Variants in ARMC3 observed in about 807,000 individuals in gnomAD.
ARMC3 encodes the protein armadillo repeat containing 3.
Under a neutral mutation model 90.3 loss-of-function variants are expected in ARMC3, and 74 were observed. The ratio of observed to expected loss-of-function variants is 0.82; its 90% confidence interval spans 0.68 to 0.99. The LOEUF is 0.99. Ranked by LOEUF, ARMC3 falls within the 50% of genes least tolerant of loss-of-function variation. The pLI is 0.00. For synonymous variants in ARMC3, 334 were observed against 361.8 expected (o/e 0.92, Z 0.87); for missense variants, 958 against 1,042.8 (o/e 0.92, Z 1.12).
intron 6 of ARMC3, 149 bp from the exon 7 acceptor site, chr10:22,961,735 T>A (rs548339594): frequency 1.6e-6 from 1 of 630,168 alleles, no homozygotes; most frequent in Non-Finnish European, 2.6e-6. Context: ...TTGAAAGATT[T>A]CTTATTTTTT....
chr10:22,997,741 T>G (rs1185279769), intron 10 of ARMC3, among the ~76,000 whole-genome samples: 2 of 152,188 alleles, frequency 1.3e-5, no homozygotes, highest in African/African-American at 2.4e-5. Context: ...TCAAGAAAAC[T>G]TTCTAAGAAT....
At chr10:23,006,381 T>C in intron 13 of ARMC3, among the ~76,000 whole-genome samples, 1 of 152,206 alleles carries the variant, frequency 6.6e-6, no homozygotes, top group East Asian at 1.9e-4. Context: ...GACCATGAAA[T>C]GTATCTTGGA....
chr10:23,014,218 G>C (rs372695223), intron 16 of ARMC3: 413 of 1,533,518 alleles, frequency 2.7e-4, no homozygotes, highest in Non-Finnish European at 1.1e-4. Context: ...CTTCTGAATT[G>C]TAAATGAAAA....
intron 10 of ARMC3, among the ~76,000 whole-genome samples, chr10:22,989,162 C>T (rs1836593095): frequency 6.6e-6 from 1 of 152,156 alleles, no homozygotes; most frequent in Admixed American, 6.5e-5. Flanking sequence ...ATTTGGAACA[C>T]TCTCCAGTGT....
chr10:23,009,332 C>T (rs1190269475), intron 16 of ARMC3, among the ~76,000 whole-genome samples: 15 of 152,340 alleles, frequency 9.8e-5, no homozygotes, highest in South Asian at 6.2e-4. Flanking sequence ...TGTGGTCCCA[C>T]GCTCTCTCCT....
At chr10:23,008,717 A>G in intron 15 of ARMC3, 98 bp from the exon 16 acceptor site, 2 of 969,970 alleles carry the variant, frequency 2.1e-6, no homozygotes, top group South Asian at 3.2e-5. Flanking sequence ...AAATTGTATA[A>G]TGAAGTAAAA....
At chr10:23,015,506 T>G (rs1441831766) in intron 16 of ARMC3, among the ~76,000 whole-genome samples, 1 of 152,234 alleles carries the variant, frequency 6.6e-6, no homozygotes, top group Non-Finnish European at 1.5e-5. Flanking sequence ...TTCAGACCAG[T>G]TTTCATGAAC....
chr10:22,956,176 A>G (rs183590530), intron 4 of ARMC3, among the ~76,000 whole-genome samples: 3 of 152,334 alleles, frequency 2.0e-5, no homozygotes, highest in Admixed American at 1.3e-4. Flanking sequence ...ATGTAGTCCT[A>G]CAAGCTGAGA....
At chr10:22,961,132 GA>G (rs1232842231) in intron 6 of ARMC3, 1 of 152,212 alleles carries the variant, frequency 6.6e-6, no homozygotes, top group Non-Finnish European at 1.5e-5. Context: ...GTGTCTAAAG[GA>G]AGCTGAATAT....
intron 10 of ARMC3, among the ~76,000 whole-genome samples, chr10:22,984,754 T>C (rs1836340411): frequency 6.6e-6 from 1 of 152,218 alleles, no homozygotes; most frequent in African/African-American, 2.4e-5. Flanking sequence ...TATTCATGAA[T>C]GAGGTTTCTT....
intron 16 of ARMC3, among the ~76,000 whole-genome samples, chr10:23,010,160 C>CCCCGTCTCTT (rs1315034650): frequency 7.2e-4 from 101 of 140,910 alleles, no homozygotes; most frequent in African/African-American, 2.4e-3. Flanking sequence ...TTCCCTCCCT[C>CCCCGTCTCTT]CCCTTCTCTT....
chr10:22,987,103 T>C (rs1435474170), intron 10 of ARMC3, among the ~76,000 whole-genome samples: 1 of 152,240 alleles, frequency 6.6e-6, no homozygotes, highest in Non-Finnish European at 1.5e-5. Context: ...CTTGGTATAC[T>C]GCTAATCTCT....
At chr10:23,012,199 A>C (rs966442841) in intron 16 of ARMC3, among the ~76,000 whole-genome samples, 2 of 152,156 alleles carry the variant, frequency 1.3e-5, no homozygotes, top group African/African-American at 4.8e-5. Context: ...TGTGAATATC[A>C]AGCTGCTGAT....
intron 16 of ARMC3, among the ~76,000 whole-genome samples, chr10:23,028,513 T>C (rs892250976): frequency 6.6e-6 from 1 of 152,178 alleles, no homozygotes; most frequent in Non-Finnish European, 1.5e-5. Context: ...TAATGAGTAA[T>C]TTTAGATTAT....
intron 16 of ARMC3, among the ~76,000 whole-genome samples, chr10:23,024,553 A>G (rs1838639794): frequency 6.6e-6 from 1 of 152,214 alleles, no homozygotes; most frequent in South Asian, 2.1e-4. Context: ...TAAAGGAAGT[A>G]AAGACACCTG....
At chr10:23,001,429 G>A (rs1224803811) in intron 11 of ARMC3, among the ~76,000 whole-genome samples, 1 of 151,980 alleles carries the variant, frequency 6.6e-6, no homozygotes, top group East Asian at 1.9e-4. Context: ...AGCACCTTCT[G>A]TCCCCCTCTT....
At position 22,955,818 on chromosome 10, in the gene ARMC3, A is replaced by G. The variant is rs1043241137; in HGVS notation, c.178A>G (p.Lys60Glu). The stretch of plus-strand genomic sequence containing the variant: ...ACGTGTGATGTCAGGTGAGGAAAAT[A>G]AAACAACCCTCCTTGAACTTGGAGC... ...YKFALKGEEN[K>E]TTLLELGAVE... is the part of the protein sequence containing the mutation. Residue 60 changes from lysine (K) to glutamate (E), a missense_variant, in exon 4 of 19, where the codon AAA becomes GAA. Lys to Glu is a moderately conservative substitution (Grantham distance 56). Coordinates refer to ENST00000298032, the MANE Select transcript of ARMC3 (RefSeq NM_173081.5). 1 of 1,613,910 alleles carries G rather than the reference A, an allele frequency of 6.2e-7. No homozygotes were observed. The highest frequency in any genetic ancestry group is 1.3e-5 in the African/African-American group (1 of 75,046).
chr10:23,038,205 A>C lies in ARMC3; in HGVS notation c.*726A>C, dbSNP rs1018283261. The C allele has an allele frequency of 6.6e-6, 1 of 152,180 alleles. No individual in the cohort carries two copies. The highest frequency in any genetic ancestry group is 1.5e-5 in the Non-Finnish European group (1 of 68,034). The allele number at this position is 152,180 out of a possible 1,614,324, so 9.4% of individuals were successfully genotyped here. On this transcript the variant is annotated 3_prime_UTR_variant, in exon 19 of 19. Transcript: ENST00000298032. ...TTATTTTCAATTTATAGAACTAAAA[A>C]ATTTTTATTTTTTGGAAAACTTTGA...
chr10:22,983,550 T>TA (rs1346028919), intron 10 of ARMC3, among the ~76,000 whole-genome samples: 1 of 152,208 alleles, frequency 6.6e-6, no homozygotes, highest in African/African-American at 2.4e-5. Flanking sequence ...CTGTTTTTTT[T>TA]AAATTTTGTA....
Sources: allele counts gnomAD v4.1 joint callset (sites outside exome capture counted in the v4.1 genomes callset), GRCh38; gene constraint gnomAD v4.1.1; transcripts MANE v1.5; gene names NCBI Gene and HGNC (gene_info 2026-07-23, HGNC 2026-07-21).